STAG1: variants seen among roughly 807,000 people sequenced by gnomAD.
The protein encoded by STAG1 is cohesin subunit SA-1.
In STAG1, 26 loss-of-function variants were observed where a neutral mutation model predicts 170.9. That is an observed-to-expected ratio of 0.15 (90% CI 0.11 to 0.21). STAG1 has a LOEUF of 0.21. Ranked by LOEUF, STAG1 falls within the 10% of genes least tolerant of loss-of-function variation. The pLI, the probability that STAG1 is intolerant of heterozygous loss-of-function variation, is 1.00. For missense variants in STAG1, 964 were observed against 1,509.5 expected (o/e 0.64, Z 5.99); for synonymous variants, 514 against 497.7 (o/e 1.03, Z -0.44).
intron 16 of STAG1, among the ~76,000 whole-genome samples, chr3:136,432,183 A>C (rs532945874): frequency 6.6e-6 from 1 of 152,100 alleles, no homozygotes; most frequent in South Asian, 2.1e-4. Flanking sequence ...CATCATCTTA[A>C]ATCTGCTAAT....
At position 136,604,358 on chromosome 3, in the gene STAG1, T is replaced by TCCC. The variant is rs1264737139; in HGVS notation, c.245_247dup (p.Gly82dup). On this transcript the variant is annotated inframe_insertion, in exon 4 of 34. Coordinates refer to ENST00000383202, the MANE Select transcript of STAG1 (RefSeq NM_005862.3). ...CACCACCTCAAATAATGTGACAGGC[T>TCCC]CCCCTTCCCCATTCTGTTGAGGGTG... 1 of 1,612,992 alleles carries TCCC rather than the reference T, an allele frequency of 6.2e-7. No homozygotes were observed. Among genetic ancestry groups the TCCC allele is most frequent in the Non-Finnish European group, 8.5e-7 (1 of 1,179,760 alleles).
chr3:136,484,371 T>C (rs367671367), intron 9 of STAG1, among the ~76,000 whole-genome samples: 15 of 146,550 alleles, frequency 1.0e-4, no homozygotes, highest in Non-Finnish European at 1.5e-4. Context: ...CTGTGGGGTG[T>C]CTCCCAGTTA....
At chr3:136,727,895 T>A (rs1233719038) in intron 1 of STAG1, among the ~76,000 whole-genome samples, 1 of 152,136 alleles carries the variant, frequency 6.6e-6, no homozygotes, top group Non-Finnish European at 1.5e-5. Context: ...CGGTGGCTCA[T>A]GCCTGTAATC....
At chr3:136,439,194 C>CAAAAAAAAAAAAAAAAAAAACCAAAAAA in intron 15 of STAG1, among the ~76,000 whole-genome samples, 1 of 63,644 alleles carries the variant, frequency 1.6e-5, no homozygotes, top group Non-Finnish European at 2.8e-5. Flanking sequence ...GACCCAGACT[C>CAAAAAAAAAAAAAAAAAAAACCAAAAAA]AAAAAAAAAA....
At chr3:136,425,710 TTATATATATGTA>T (rs2088100192) in intron 16 of STAG1, among the ~76,000 whole-genome samples, 1 of 149,840 alleles carries the variant, frequency 6.7e-6, no homozygotes, top group African/African-American at 2.4e-5. Context: ...GTATGTATGT[TTATATATATGTA>T]TATATATAAA....
At chr3:136,633,625 G>A (rs967868042) in intron 1 of STAG1, among the ~76,000 whole-genome samples, 5 of 148,306 alleles carry the variant, frequency 3.4e-5, no homozygotes, top group African/African-American at 9.9e-5. Context: ...ACTTGAACTC[G>A]GAAGGCAGAG....
intron 13 of STAG1, among the ~76,000 whole-genome samples, chr3:136,457,083 T>C (rs1173100282): frequency 6.6e-6 from 1 of 152,130 alleles, no homozygotes; most frequent in Non-Finnish European, 1.5e-5. Flanking sequence ...TTGTCTGTCA[T>C]AATATAAAAG....
intron 3 of STAG1, among the ~76,000 whole-genome samples, chr3:136,618,329 C>A (rs537467547): frequency 5.0e-4 from 76 of 152,368 alleles, no homozygotes; most frequent in African/African-American, 1.8e-3. Context: ...GCGCCACATG[C>A]GTCAGGGATA....
At chr3:136,565,055 A>C (rs1937014304) in intron 5 of STAG1, among the ~76,000 whole-genome samples, 1 of 3,824 alleles carries the variant, frequency 2.6e-4, no homozygotes, top group Non-Finnish European at 4.9e-4. Flanking sequence ...GGAGGGAGGG[A>C]GGGAGGGAGG....
chr3:136,740,734 C>G (rs1179421923), intron 1 of STAG1, among the ~76,000 whole-genome samples: 1 of 152,130 alleles, frequency 6.6e-6, no homozygotes, highest in African/African-American at 2.4e-5. Flanking sequence ...CCCGCCCCAG[C>G]CTCCAAAAGG....
intron 4 of STAG1, among the ~76,000 whole-genome samples, chr3:136,584,362 T>C (rs1180011671): frequency 5.9e-5 from 9 of 152,184 alleles, no homozygotes; most frequent in African/African-American, 2.2e-4. Context: ...AATATTACAG[T>C]ACTTACTTTT....
intron 1 of STAG1, among the ~76,000 whole-genome samples, chr3:136,744,649 A>G (rs541935672): frequency 2.3e-4 from 34 of 146,216 alleles, no homozygotes; most frequent in Non-Finnish European, 3.0e-4. Context: ...GAGTCGTGAC[A>G]TTTCTTAGGT....
intron 3 of STAG1, 116 bp downstream of exon 3, chr3:136,623,030 T>C: frequency 1.2e-6 from 1 of 811,680 alleles, no homozygotes; most frequent in Non-Finnish European, 1.9e-6. Context: ...CAATCTCTAT[T>C]GTGTCACTGA....
intron 13 of STAG1, among the ~76,000 whole-genome samples, chr3:136,454,921 G>A (rs1297647417): frequency 2.0e-5 from 3 of 152,056 alleles, no homozygotes; most frequent in African/African-American, 4.8e-5. Context: ...TGGAACTCCT[G>A]GGGATACACC....
chr3:136,635,741 A>C (rs1940525071), intron 1 of STAG1, among the ~76,000 whole-genome samples: 1 of 152,200 alleles, frequency 6.6e-6, no homozygotes, highest in Non-Finnish European at 1.5e-5. Flanking sequence ...GCAAAATAAA[A>C]CAACTCTTGG....
At chr3:136,487,032 C>T (rs1225268547) in intron 9 of STAG1, among the ~76,000 whole-genome samples, 3 of 89,086 alleles carry the variant, frequency 3.4e-5, no homozygotes, top group African/African-American at 9.4e-5. Flanking sequence ...AAAAAAAAAG[C>T]AGATACAAGC....
intron 1 of STAG1, among the ~76,000 whole-genome samples, chr3:136,724,155 T>A (rs1237525240): frequency 7.0e-6 from 1 of 142,756 alleles, no homozygotes; most frequent in Non-Finnish European, 1.5e-5. Context: ...TTTTGTGGAA[T>A]AGAGGAGGGG....
chr3:136,529,929 A>G (rs917889208), intron 6 of STAG1, among the ~76,000 whole-genome samples: 4 of 152,190 alleles, frequency 2.6e-5, no homozygotes, highest in Non-Finnish European at 5.9e-5. Flanking sequence ...TATTCCACTA[A>G]AAAGACAAAG....
intron 4 of STAG1, among the ~76,000 whole-genome samples, chr3:136,601,107 C>T (rs73228043): frequency 0.34 from 52,247 of 151,888 alleles, 11,304 homozygotes; most frequent in East Asian, 0.8. Context: ...CTGATCCACC[C>T]GCCTCAGCCT....
Sources: allele counts gnomAD v4.1 joint callset (sites outside exome capture counted in the v4.1 genomes callset), GRCh38; gene constraint gnomAD v4.1.1; transcripts MANE v1.5; gene names NCBI Gene and HGNC (gene_info 2026-07-23, HGNC 2026-07-21).